Variants in FRMPD4 observed in about 807,000 individuals in gnomAD.
The protein encoded by FRMPD4 is FERM and PDZ domain containing 4.
Under a neutral mutation model 94.1 loss-of-function variants are expected in FRMPD4, and 22 were observed. That is an observed-to-expected ratio of 0.23 (90% CI 0.17 to 0.33). FRMPD4 has a LOEUF of 0.33. Ranked by LOEUF, FRMPD4 falls within the 10% of genes least tolerant of loss-of-function variation. FRMPD4 has a pLI of 1.00. For synonymous variants in FRMPD4, 631 were observed against 548.6 expected (o/e 1.15, Z -2.10); for missense variants, 1,111 against 1,339.9 (o/e 0.83, Z 2.67).
chrX:11,886,688 G>A (rs1336443245), intron 3 of FRMPD4, among the ~76,000 whole-genome samples: 1 of 111,429 alleles, frequency 9.0e-6, no homozygotes, highest in Non-Finnish European at 1.9e-5. Context: ...AGTGAAGAAG[G>A]TGCTCACATA....
chrX:12,402,257 C>T (rs188797160), intron 1 of FRMPD4, among the ~76,000 whole-genome samples: 10 of 110,915 alleles, frequency 9.0e-5, no homozygotes, highest in Non-Finnish European at 1.5e-4. Context: ...CCACCCCCCC[C>T]ACAAAAGCAG....
At position 12,113,270 on chromosome X, in the gene FRMPD4, C is replaced by T. The variant is rs1307745528; in HGVS notation, c.95+235252C>T. Among the ~76,000 whole-genome samples the T allele has an allele frequency of 1.6e-4, 18 of 112,275 alleles. No homozygotes were observed. The Admixed American group carries it at 1.7e-3, about 11-fold the overall frequency. ...ACTGGAAGTTATCTATAGCCCCTTGCACTTCTTGGTTACATGAATGTATTC... is the reference window on the plus strand; with the variant it reads ...ACTGGAAGTTATCTATAGCCCCTTGTACTTCTTGGTTACATGAATGTATTC... On this transcript the variant is annotated intron_variant, in intron 3 of 18. Transcript: ENST00000640291.
intron 2 of FRMPD4, among the ~76,000 whole-genome samples, chrX:12,551,389 A>G (rs932999164): frequency 9.0e-6 from 1 of 110,796 alleles, no homozygotes; most frequent in African/African-American, 3.3e-5. Flanking sequence ...CACTGAAATT[A>G]TCATACCCCC....
At chrX:12,432,442 A>G (rs892927895) in intron 1 of FRMPD4, among the ~76,000 whole-genome samples, 1 of 112,170 alleles carries the variant, frequency 8.9e-6, no homozygotes, top group African/African-American at 3.2e-5. Context: ...AGGACCTCAC[A>G]TAGGTTACAA....
chrX:12,304,308 C>T (rs888768032), intron 1 of FRMPD4, among the ~76,000 whole-genome samples: 5 of 111,150 alleles, frequency 4.5e-5, no homozygotes, highest in Middle Eastern at 4.6e-3. Context: ...TAAGGTCTCT[C>T]AGTATCAGCA....
intron 1 of FRMPD4, among the ~76,000 whole-genome samples, chrX:12,390,109 G>A (rs773793859): frequency 8.9e-6 from 1 of 112,048 alleles, no homozygotes; most frequent in East Asian, 2.8e-4. Flanking sequence ...ATACCAGGCT[G>A]CAATGTTGAA....
intron 1 of FRMPD4, among the ~76,000 whole-genome samples, chrX:12,491,437 T>G (rs1201172176): frequency 4.5e-5 from 5 of 112,014 alleles, no homozygotes; most frequent in Non-Finnish European, 9.4e-5. Flanking sequence ...TTTGTTCATT[T>G]AACTACATCC....
rs1385905442 is a variant in FRMPD4 at position 12,199,485 on chromosome X, G to A, written c.41+60473G>A. 2.7e-5 allele frequency among the ~76,000 whole-genome samples: 3 copies of A among 111,450 alleles called. No individual in the cohort carries two copies. In the Admixed American group the frequency reaches 2.9e-4, roughly 11 times the overall value. On this transcript the variant is annotated intron_variant, in intron 1 of 16. Coordinates refer to ENST00000675598, the MANE Select transcript of FRMPD4 (RefSeq NM_001368397.1). ...CTAGAAATGGGTCCTCTCATACAGT[G>A]TTCATAGGAATGTACCTGTGTACAG...
chrX:12,298,576 G>A (rs569552697), intron 1 of FRMPD4, among the ~76,000 whole-genome samples: 2 of 112,031 alleles, frequency 1.8e-5, no homozygotes, highest in East Asian at 2.8e-4. Flanking sequence ...TAGAGAAATG[G>A]AGGTCTTATA....
At chrX:12,215,143 G>A (rs978362542) in intron 1 of FRMPD4, among the ~76,000 whole-genome samples, 4 of 111,411 alleles carry the variant, frequency 3.6e-5, no homozygotes, top group Non-Finnish European at 7.5e-5. Flanking sequence ...GTAGTGAGTC[G>A]GTGTGAGACT....
chrX:12,320,462 C>A (rs780245284), intron 1 of FRMPD4, among the ~76,000 whole-genome samples: 2 of 111,942 alleles, frequency 1.8e-5, no homozygotes, highest in Admixed American at 1.9e-4. Context: ...GCACCCCCAG[C>A]AGATGCTTAT....
At chrX:11,824,569 A>G (rs753845285) in intron 1 of FRMPD4, among the ~76,000 whole-genome samples, 1 of 111,797 alleles carries the variant, frequency 8.9e-6, no homozygotes, top group Admixed American at 9.5e-5. Flanking sequence ...ATTGCCAGAC[A>G]TCCCCTGGGG....
At chrX:12,357,072 T>G (rs2055905537) in intron 1 of FRMPD4, among the ~76,000 whole-genome samples, 1 of 112,132 alleles carries the variant, frequency 8.9e-6, no homozygotes, top group Non-Finnish European at 1.9e-5. Context: ...ATTTCTCCAA[T>G]CCTGGCTATT....
intron 1 of FRMPD4, among the ~76,000 whole-genome samples, chrX:12,315,467 A>G (rs2055100246): frequency 8.9e-6 from 1 of 111,934 alleles, no homozygotes; most frequent in African/African-American, 3.3e-5. Flanking sequence ...AATCTCATAT[A>G]TTGAATTTGG....
At chrX:11,832,517 G>A (rs193298991) in intron 1 of FRMPD4, among the ~76,000 whole-genome samples, 1 of 111,395 alleles carries the variant, frequency 9.0e-6, no homozygotes, top group East Asian at 2.8e-4. Context: ...TCTGTCCTAA[G>A]AGTCAATGGT....
chrX:12,408,050 A>G, intron 1 of FRMPD4, among the ~76,000 whole-genome samples: 1 of 108,985 alleles, frequency 9.2e-6, no homozygotes, highest in Middle Eastern at 4.6e-3. Context: ...AGAAAGAGAC[A>G]TTTAATAGGC....
chrX:12,081,236 T>C (rs1372643359), intron 3 of FRMPD4, among the ~76,000 whole-genome samples: 2 of 112,151 alleles, frequency 1.8e-5, no homozygotes, highest in African/African-American at 6.5e-5. Context: ...GTGTTATAAT[T>C]GGGTTGAGGT....
chrX:12,664,831 C>A (rs1392710557), intron 4 of FRMPD4, among the ~76,000 whole-genome samples: 1 of 111,641 alleles, frequency 9.0e-6, no homozygotes, highest in Non-Finnish European at 1.9e-5. Context: ...TATGTCTAGT[C>A]CTGGGCTTTT....
chrX:12,585,145 T>C (rs1363892441), intron 2 of FRMPD4, among the ~76,000 whole-genome samples: 1 of 111,271 alleles, frequency 9.0e-6, no homozygotes, highest in Non-Finnish European at 1.9e-5. Context: ...CTCGAACTCC[T>C]GACCTCAAGT....
Sources: gnomAD v4.1 joint callset for allele counts (sites outside exome capture counted in the v4.1 genomes callset) on GRCh38, gnomAD v4.1.1 for gene constraint, MANE v1.5 for transcripts, NCBI Gene and HGNC (gene_info 2026-07-23, HGNC 2026-07-21) for gene names.